Variants in ZFAND2A observed in about 807,000 individuals in gnomAD.
The protein encoded by ZFAND2A is zinc finger AN1-type containing 2A.
In ZFAND2A, 20 loss-of-function variants were observed where a neutral mutation model predicts 11.6. The observed-to-expected ratio is 1.72, with a 90% CI of 1.21 to 2.50. The LOEUF is 2.50. Among genes scored for constraint, ZFAND2A ranks in the 30% most tolerant of loss-of-function variants. The probability of loss-of-function intolerance (pLI) is 0.00; values close to 1 mark genes in which losing one functional copy is unlikely to be tolerated. For missense variants in ZFAND2A, 234 were observed against 182.9 expected (o/e 1.28, Z -1.61); for synonymous variants, 93 against 60.6 (o/e 1.54, Z -2.48).
downstream of ZFAND2A, among the ~76,000 whole-genome samples, chr7:1,151,762 T>TTAAAA (rs1554344524): frequency 3.4e-5 from 3 of 87,178 alleles, no homozygotes. Context: ...TCATCCCTTT[T>TTAAAA]AAAAAAAAAA....
Position 1,153,238 on chromosome 7 carries a change from G to C in ZFAND2A, c.283-14C>G, listed in dbSNP as rs775687803. 2.5e-6 allele frequency: 4 copies of C among 1,607,304 alleles called. No homozygotes were observed. The African/African-American group carries it at 4.0e-5, about 16-fold the overall frequency. ...GTATGTAAAAATCTAAGAGAGCAAA[G>C]TGACTTCAACAAGCAATTCTTTTTT... On this transcript the variant is annotated splice_polypyrimidine_tract_variant and intron_variant, in intron 4 of 4. Coordinates refer to ENST00000316495, the MANE Select transcript of ZFAND2A (RefSeq NM_182491.4).
chr7:1,153,297 G>T, intron 4 of ZFAND2A, 73 bp from the exon 5 acceptor site: 1 of 1,537,028 alleles, frequency 6.5e-7, no homozygotes. Context: ...GCCCAGGCTG[G>T]AGTGCAGTGG....
At chr7:1,159,925 C>T (rs973960244) in intron 1 of ZFAND2A, 39 bp downstream of exon 1, 1 of 167,798 alleles carries the variant, frequency 6.0e-6, no homozygotes, top group African/African-American at 2.4e-5. Flanking sequence ...GCAGGCCCGA[C>T]CCCCGGCAGA....
At chr7:1,148,941 C>T (rs975735260), downstream of ZFAND2A, among the ~76,000 whole-genome samples, 3 of 146,516 alleles carry the variant, frequency 2.0e-5, no homozygotes, top group Non-Finnish European at 4.4e-5. Context: ...TAACTGGGAC[C>T]ACATGCATGC....
At chr7:1,152,823 G>T, downstream of ZFAND2A, 1 of 639,932 alleles carries the variant, frequency 1.6e-6, no homozygotes. Flanking sequence ...CCCCAGAACT[G>T]TGAAAGAACC....
chr7:1,153,494 G>A (rs1351933762), intron 4 of ZFAND2A, among the ~76,000 whole-genome samples: 3 of 152,130 alleles, frequency 2.0e-5, no homozygotes, highest in Non-Finnish European at 4.4e-5. Flanking sequence ...CTCCCGCCTT[G>A]GCCTCCCAAA....
chr7:1,155,360 C>A, intron 4 of ZFAND2A, 93 bp downstream of exon 4: 1 of 1,539,208 alleles, frequency 6.5e-7, no homozygotes, highest in South Asian at 1.2e-5. Context: ...TGTACATAAA[C>A]TATTGGGAGT....
intron 4 of ZFAND2A, 65 bp from the exon 5 acceptor site, chr7:1,153,289 C>A: frequency 6.4e-7 from 1 of 1,565,454 alleles, no homozygotes; most frequent in Non-Finnish European, 8.7e-7. Flanking sequence ...GCTCTGTTGC[C>A]CAGGCTGGAG....
chr7:1,151,774 A>AAAAAAAAAAAAAAAAAAG (rs1793403003), downstream of ZFAND2A, among the ~76,000 whole-genome samples: 1 of 143,332 alleles, frequency 7.0e-6, no homozygotes, highest in African/African-American at 2.7e-5. Context: ...AAAAAAAAAA[A>AAAAAAAAAAAAAAAAAAG]GCAAAGCCAG....
chr7:1,155,937 C>CA (rs1288014577), intron 3 of ZFAND2A, among the ~76,000 whole-genome samples: 1 of 152,244 alleles, frequency 6.6e-6, no homozygotes, highest in Non-Finnish European at 1.5e-5. Context: ...AAAGACCCTC[C>CA]AGCTCCCCTC....
chr7:1,151,368 G>T (rs891030581), downstream of ZFAND2A, among the ~76,000 whole-genome samples: 4 of 149,174 alleles, frequency 2.7e-5, no homozygotes, highest in Non-Finnish European at 5.9e-5. Context: ...CAGGCAGGTG[G>T]ATGTCCTTCC....
At chr7:1,152,786 C>A (rs904155190), downstream of ZFAND2A, 4 of 542,538 alleles carry the variant, frequency 7.4e-6, no homozygotes, top group Non-Finnish European at 1.3e-5. Flanking sequence ...GCTGGCCCTG[C>A]CGACATCCTG....
downstream of ZFAND2A, among the ~76,000 whole-genome samples, chr7:1,151,394 T>G (rs1233331763): frequency 1.3e-5 from 2 of 152,044 alleles, no homozygotes; most frequent in Admixed American, 6.6e-5. Flanking sequence ...CTTGGCCAGA[T>G]AGTCACATCG....
At chr7:1,159,336 G>A (rs1202118144) in intron 1 of ZFAND2A, among the ~76,000 whole-genome samples, 3 of 152,208 alleles carry the variant, frequency 2.0e-5, no homozygotes, top group African/African-American at 4.8e-5. Flanking sequence ...CTGGCGGGCC[G>A]GGCCCGCAGC....
At chr7:1,151,167 C>T (rs1055748913), downstream of ZFAND2A, among the ~76,000 whole-genome samples, 3 of 151,972 alleles carry the variant, frequency 2.0e-5, no homozygotes, top group Non-Finnish European at 2.9e-5. Flanking sequence ...AGATTACAAG[C>T]GTGAGCCACT....
At chr7:1,152,332 C>G (rs768612195), downstream of ZFAND2A, 1 of 1,573,822 alleles carries the variant, frequency 6.4e-7, no homozygotes, top group Non-Finnish European at 8.6e-7. Flanking sequence ...CAGAGACTGT[C>G]ATGGGTGAGC....
chr7:1,159,111 C>T (rs1321715286), intron 1 of ZFAND2A, among the ~76,000 whole-genome samples: 1 of 152,172 alleles, frequency 6.6e-6, no homozygotes, highest in Non-Finnish European at 1.5e-5. Context: ...GTTACACGCC[C>T]GCTACTTAAG....
In ZFAND2A at chr7:1,158,229, A is replaced by G. The variant is rs1261652676; in HGVS notation, c.-17T>C. ...AAACTCCATTATGAGAACAGTGCTC[A>G]AAACGCAGATGGCGGAGTTAAGTGT... On this transcript the variant is annotated 5_prime_UTR_variant, in exon 2 of 5. Transcript: ENST00000316495. 6.2e-7 allele frequency: 1 copy of G among 1,613,500 alleles called. No individual in the cohort carries two copies. Among genetic ancestry groups the G allele is most frequent in the South Asian group, 1.1e-5 (1 of 90,876 alleles).
At chr7:1,158,337 T>G (rs1584030916) in intron 1 of ZFAND2A, 80 bp from the exon 2 acceptor site, 1 of 879,934 alleles carries the variant, frequency 1.1e-6, no homozygotes, top group South Asian at 1.5e-5. Flanking sequence ...TTACAGCTAA[T>G]GAAAGTCAAC....
Sources: allele counts gnomAD v4.1 joint callset (sites outside exome capture counted in the v4.1 genomes callset), GRCh38; gene constraint gnomAD v4.1.1; transcripts MANE v1.5; gene names NCBI Gene and HGNC (gene_info 2026-07-23, HGNC 2026-07-21).